Variants in ADARB2 observed in about 807,000 individuals in gnomAD.
The protein encoded by ADARB2 is adenosine deaminase RNA specific B2 (inactive).
ADARB2 carries 25 observed loss-of-function variants against 62.2 expected under a neutral mutation model. The ratio of observed to expected loss-of-function variants is 0.40; its 90% CI spans 0.29 to 0.56. ADARB2 has a LOEUF of 0.56. Ranked by LOEUF, ADARB2 falls within the 20% of genes least tolerant of loss-of-function variation. The pLI is 0.43. For missense variants in ADARB2, 1,071 were observed against 1,077.4 expected (o/e 0.99, Z 0.08); for synonymous variants, 572 against 500.8 (o/e 1.14, Z -1.90).
chr10:1,567,801 G>A (rs560142608), intron 1 of ADARB2, among the ~76,000 whole-genome samples: 13 of 152,320 alleles, frequency 8.5e-5, no homozygotes, highest in African/African-American at 2.2e-4. Context: ...CTCAAAGAGC[G>A]TTTGTTGAAG....
chr10:1,409,910 C>T (rs1240079841), intron 1 of ADARB2, among the ~76,000 whole-genome samples: 1 of 92,608 alleles, frequency 1.1e-5, no homozygotes, highest in Non-Finnish European at 2.4e-5. Flanking sequence ...CTCAGTGGTG[C>T]CGAGGCCTGG....
At chr10:1,565,869 A>C (rs1832853197) in intron 1 of ADARB2, among the ~76,000 whole-genome samples, 1 of 152,122 alleles carries the variant, frequency 6.6e-6, no homozygotes, top group Non-Finnish European at 1.5e-5. Flanking sequence ...CGTGGTGGGC[A>C]GCATTGCCTG....
intron 1 of ADARB2, among the ~76,000 whole-genome samples, chr10:1,696,285 CGT>C (rs771811190): frequency 6.3e-4 from 96 of 151,874 alleles, no homozygotes; most frequent in Middle Eastern, 3.4e-3. Context: ...TGTGTATGCA[CGT>C]GTGTTGTGCT....
chr10:1,579,724 T>C (rs1264461457), intron 1 of ADARB2, among the ~76,000 whole-genome samples: 2 of 152,214 alleles, frequency 1.3e-5, no homozygotes, highest in East Asian at 1.9e-4. Flanking sequence ...GACGAACTTC[T>C]CAACAGAAGG....
intron 7 of ADARB2, among the ~76,000 whole-genome samples, chr10:1,212,749 A>G (rs1837171577): frequency 6.6e-6 from 1 of 151,662 alleles, no homozygotes; most frequent in African/African-American, 2.4e-5. Flanking sequence ...TCACCGTGGC[A>G]GGCACCCTGC....
chr10:1,560,287 A>G (rs1832768833), intron 1 of ADARB2, among the ~76,000 whole-genome samples: 1 of 152,250 alleles, frequency 6.6e-6, no homozygotes, highest in African/African-American at 2.4e-5. Context: ...GTGATTAATT[A>G]GAAACATTAT....
intron 1 of ADARB2, among the ~76,000 whole-genome samples, chr10:1,661,747 C>G (rs1834250950): frequency 6.6e-6 from 1 of 152,194 alleles, no homozygotes. Flanking sequence ...CAGATAATGT[C>G]ACAATCACTC....
chr10:1,198,004 C>T (rs1270958800), intron 8 of ADARB2, among the ~76,000 whole-genome samples: 4 of 152,146 alleles, frequency 2.6e-5, no homozygotes, highest in Non-Finnish European at 5.9e-5. Flanking sequence ...TGAGAAGGAC[C>T]AAGGGCAAAC....
In ADARB2 at chr10:1,351,335, T is replaced by G. The variant is rs539122138; in HGVS notation, c.1077+11693A>C. Among the ~76,000 whole-genome samples the G allele has an allele frequency of 2.5e-4, 38 of 152,242 alleles. 1 individual carries two copies. Among genetic ancestry groups the G allele is most frequent in the South Asian group, 1.9e-3 (9 of 4,810 alleles). On this transcript the variant is annotated intron_variant, in intron 3 of 9. Coordinates refer to ENST00000381312, the MANE Select transcript of ADARB2 (RefSeq NM_018702.4). ...CTTCATCAATACGGAGGCTACCCAC[T>G]CCACATTACCTTCTTTTCAAAGGCC...
chr10:1,258,674 G>C (rs1276017373), intron 4 of ADARB2, among the ~76,000 whole-genome samples: 1 of 152,140 alleles, frequency 6.6e-6, no homozygotes, highest in Non-Finnish European at 1.5e-5. Context: ...CCTACAAAGA[G>C]ACTTAGACTC....
chr10:1,463,566 T>C (rs910196339), intron 1 of ADARB2, among the ~76,000 whole-genome samples: 1 of 152,260 alleles, frequency 6.6e-6, no homozygotes, highest in African/African-American at 2.4e-5. Flanking sequence ...TCATTTTTTC[T>C]AGTGTGTACA....
intron 1 of ADARB2, among the ~76,000 whole-genome samples, chr10:1,409,614 G>A (rs1205789262): frequency 7.0e-6 from 1 of 143,100 alleles, no homozygotes; most frequent in East Asian, 2.4e-4. Flanking sequence ...GTGGTCATAG[G>A]GAATGATTGT....
chr10:1,201,332 T>A (rs11595854), intron 7 of ADARB2, among the ~76,000 whole-genome samples: 19 of 151,768 alleles, frequency 1.3e-4, no homozygotes, highest in Middle Eastern at 3.4e-3. Context: ...AAGGTAATAT[T>A]TATATACAAA....
intron 1 of ADARB2, among the ~76,000 whole-genome samples, chr10:1,464,155 G>T (rs2676772): frequency 3.1e-3 from 388 of 124,466 alleles, no homozygotes; most frequent in Middle Eastern, 0.011. Context: ...ACACACGCGC[G>T]GGGGGCAGTC....
At position 1,258,453 on chromosome 10, in the gene ADARB2, A is replaced by G. The variant is rs1258175214; in HGVS notation, c.1192+12502T>C. On this transcript the variant is annotated intron_variant, in intron 4 of 9. Coordinates refer to ENST00000381312, the MANE Select transcript of ADARB2 (RefSeq NM_018702.4). The stretch of plus-strand genomic sequence containing the variant: ...GACACACATAGGCTCAAAGGGATGG[A>G]GGAAGATCTACCAAGCAAATGGCAA... 1.2e-4 allele frequency among the ~76,000 whole-genome samples: 18 copies of G among 152,134 alleles called. 1 individual carries two copies. The highest frequency in any genetic ancestry group is 1.1e-3 in the Admixed American group (17 of 15,268).
At chr10:1,699,020 C>T (rs887554729) in intron 1 of ADARB2, among the ~76,000 whole-genome samples, 2 of 152,208 alleles carry the variant, frequency 1.3e-5, no homozygotes, top group Non-Finnish European at 2.9e-5. Context: ...CTCGGCCTCC[C>T]GAAGTGCTGG....
intron 1 of ADARB2, among the ~76,000 whole-genome samples, chr10:1,575,345 C>T (rs1588308432): frequency 6.6e-6 from 1 of 151,476 alleles, no homozygotes; most frequent in African/African-American, 2.5e-5. Context: ...TGGCTGGATT[C>T]TGTAGTCTCA....
intron 1 of ADARB2, among the ~76,000 whole-genome samples, chr10:1,559,751 T>C (rs1832762449): frequency 1.3e-5 from 2 of 152,196 alleles, no homozygotes; most frequent in African/African-American, 2.4e-5. Flanking sequence ...AGAAATTTCA[T>C]AGGGTTTTCT....
intron 1 of ADARB2, among the ~76,000 whole-genome samples, chr10:1,519,357 A>G (rs1250379952): frequency 6.6e-6 from 1 of 152,188 alleles, no homozygotes; most frequent in Admixed American, 6.5e-5. Flanking sequence ...GTGTGGTCAT[A>G]CACATGCATT....
Sources: allele counts gnomAD v4.1 joint callset (sites outside exome capture counted in the v4.1 genomes callset), GRCh38; gene constraint gnomAD v4.1.1; transcripts MANE v1.5; gene names NCBI Gene and HGNC (gene_info 2026-07-23, HGNC 2026-07-21).